The following SIGLEC11 variants were observed in gnomAD, a reference collection of about 807,000 sequenced individuals.
SIGLEC11 encodes sialic acid-binding Ig-like lectin 11.
SIGLEC11 carries 47 observed loss-of-function variants against 61.2 expected under a neutral mutation model. That is an observed-to-expected ratio of 0.77 (90% CI 0.61 to 0.98). The LOEUF (loss-of-function observed/expected upper bound fraction) is 0.98. Among genes scored for constraint, SIGLEC11 ranks in the 50% least tolerant of loss-of-function variants. SIGLEC11 has a pLI of 0.00. For missense variants in SIGLEC11, 610 were observed against 870.3 expected (o/e 0.70, Z 3.76); for synonymous variants, 278 against 373.1 (o/e 0.75, Z 2.94).
At chr19:49,950,564 C>T (rs1333424011) in intron 10 of SIGLEC11, among the ~76,000 whole-genome samples, 1 of 152,024 alleles carries the variant, frequency 6.6e-6, no homozygotes. Flanking sequence ...GAGTAAATAC[C>T]CCAAACCCGC....
chr19:49,959,041 G>C lies in SIGLEC11; in HGVS notation c.1094C>G (p.Ala365Gly), dbSNP rs62113133. The change falls in exon 6 of 11, where the codon GCA becomes GGA. Residue 365 changes from alanine to glycine, a missense_variant. Coordinates refer to ENST00000447370, the MANE Select transcript of SIGLEC11 (RefSeq NM_052884.3). ...PENLRVMVSQ[A>G]NRTVLENLGN... Reference sequence around the variant, plus strand: ...GTCTCCTTTCCTACCTGTCCTGTTTGCTTGGGAAACCATCACTCTCAGGTT... The same window carrying C: ...GTCTCCTTTCCTACCTGTCCTGTTTCCTTGGGAAACCATCACTCTCAGGTT... 0.23 allele frequency: 376,028 copies of C among 1,608,026 alleles called. 44,883 individuals are homozygous for C. The highest frequency in any genetic ancestry group is 0.28 in the Middle Eastern group (1,673 of 6,020).
chr19:49,952,291 T>A lies in SIGLEC11; in HGVS notation c.1748+7A>T, dbSNP rs200514367. 1.3e-4 allele frequency: 205 copies of A among 1,612,590 alleles called. 1 individual carries two copies. Among genetic ancestry groups the A allele is most frequent in the Middle Eastern group, 1.2e-3 (7 of 6,060 alleles). On this transcript the variant is annotated splice_region_variant and intron_variant, in intron 9 of 10. Coordinates refer to ENST00000447370, the MANE Select transcript of SIGLEC11 (RefSeq NM_052884.3). ...ACACCCTGCATTGCCTGCCCTCCGATGCTTACCTGAAGACGACAAGGCAGG... is the reference window on the plus strand; with the variant it reads ...ACACCCTGCATTGCCTGCCCTCCGAAGCTTACCTGAAGACGACAAGGCAGG...
At chr19:49,959,119 C>T in intron 5 of SIGLEC11, 42 bp from the exon 6 acceptor site, 1 of 1,611,118 alleles carries the variant, frequency 6.2e-7, no homozygotes, top group South Asian at 1.1e-5. Flanking sequence ...AGACCAGGGG[C>T]TTCCCTCTGG....
At chr19:49,958,190 C>G in intron 8 of SIGLEC11, 93 bp downstream of exon 8, 1 of 1,558,636 alleles carries the variant, frequency 6.4e-7, no homozygotes, top group South Asian at 1.2e-5. Context: ...CTTCCCACCA[C>G]GCCCACACCC....
At position 49,955,357 on chromosome 19, in the gene SIGLEC11, G is replaced by A. The variant is rs1406058559; in HGVS notation, c.1651+2926C>T. ...GAAAGGCATAATTCTTACAACTTGC[G>A]GCAGGCATCTACCAAGCCTCTGGGC... On this transcript the variant is annotated intron_variant, in intron 8 of 10. Coordinates refer to ENST00000447370, the MANE Select transcript of SIGLEC11 (RefSeq NM_052884.3). This position sits in a 1 kb window ranked among gnomAD's most constrained non-coding sequence, Gnocchi z 4.5. Among the ~76,000 whole-genome samples the A allele has an allele frequency of 1.3e-5, 2 of 151,700 alleles. No individual in the cohort carries two copies. The highest frequency in any genetic ancestry group is 2.4e-5 in the African/African-American group (1 of 41,324).
chr19:49,959,149 A>T, intron 5 of SIGLEC11, 72 bp from the exon 6 acceptor site: 1 of 1,594,884 alleles, frequency 6.3e-7, no homozygotes, highest in East Asian at 2.2e-5. Flanking sequence ...ACTATCCTGG[A>T]CACTGAGGTG....
chr19:49,958,017 A>G (rs1299440805), intron 8 of SIGLEC11, among the ~76,000 whole-genome samples: 1 of 151,896 alleles, frequency 6.6e-6, no homozygotes, highest in South Asian at 2.1e-4. Context: ...AACAAAAAAA[A>G]CCCCTTCTTT....
In SIGLEC11 at chr19:49,961,096, G is replaced by A. The variant is rs548353938; in HGVS notation, c.-15C>T. 2.9e-5 allele frequency: 41 copies of A among 1,430,996 alleles called. No homozygotes were observed. Among genetic ancestry groups the A allele is most frequent in the Middle Eastern group, 2.4e-4 (1 of 4,092 alleles). 88.6% of individuals were successfully genotyped at this position (1,430,996 alleles called of 1,614,324 possible). On this transcript the variant is annotated 5_prime_UTR_variant, in exon 1 of 11. Coordinates refer to ENST00000447370, the MANE Select transcript of SIGLEC11 (RefSeq NM_052884.3). ...CCCGGGACCATCTGGCTTCTGGGCCGGCCTGGCTGGGAAGGAAACTCCTCC... is the reference window on the plus strand; with the variant it reads ...CCCGGGACCATCTGGCTTCTGGGCCAGCCTGGCTGGGAAGGAAACTCCTCC...
chr19:49,955,979 G>A lies in SIGLEC11; in HGVS notation c.1651+2304C>T. ...ACTTGTACTTATGGCCGGGCGCAGT[G>A]GCTCACACCTGTAATCCTGTTACCA... On this transcript the variant is annotated intron_variant, in intron 8 of 10. Coordinates refer to ENST00000447370, the MANE Select transcript of SIGLEC11 (RefSeq NM_052884.3). The surrounding 1 kb of genome is among the most constrained non-coding windows in gnomAD (Gnocchi z 4.5). 6.6e-6 allele frequency among the ~76,000 whole-genome samples: 1 copy of A among 151,804 alleles called. No homozygotes were observed. Among genetic ancestry groups the A allele is most frequent in the Non-Finnish European group, 1.5e-5 (1 of 67,996 alleles).
intron 5 of SIGLEC11, 24 bp from the exon 6 acceptor site, chr19:49,959,101 C>A (rs369087315): frequency 6.2e-7 from 1 of 1,613,686 alleles, no homozygotes; most frequent in Non-Finnish European, 8.5e-7. Context: ...AGGGGACCGG[C>A]TCTAGACAGA....
At position 49,951,907 on chromosome 19, in the gene SIGLEC11, A is replaced by G; in HGVS notation, c.1814T>C (p.Leu605Pro). The change falls in exon 10 of 11, where the codon CTG becomes CCG. Residue 605 changes from leucine (L) to proline (P), a missense_variant. Leu to Pro is a moderately conservative substitution (Grantham distance 98). This residue lies in a region of SIGLEC11 where 432 missense variants were observed against 441.5 expected (regional missense o/e 0.98). Coordinates refer to ENST00000447370, the MANE Select transcript of SIGLEC11 (RefSeq NM_052884.3). This position sits in a 1 kb window ranked among gnomAD's most constrained non-coding sequence, Gnocchi z 4.6. ...AAAEQDVPST[L>P]GPISQGHQHE... Reference sequence around the variant, plus strand: ...GGCTCTCACCTGGGAGATGGGTCCCAGGGTGGAGGGCACGTCCTGCTCAGC... The same window carrying G: ...GGCTCTCACCTGGGAGATGGGTCCCGGGGTGGAGGGCACGTCCTGCTCAGC... The G allele has an allele frequency of 6.2e-7, 1 of 1,607,062 alleles. No homozygotes were observed. Among genetic ancestry groups the G allele is most frequent in the Admixed American group, 1.7e-5 (1 of 59,246 alleles).
Position 49,956,374 on chromosome 19 carries a change from CCT to C in SIGLEC11, c.1651+1907_1651+1908del, listed in dbSNP as rs139233448. 2.4e-3 allele frequency among the ~76,000 whole-genome samples: 362 copies of C among 152,230 alleles called. 1 individual carries two copies. The highest frequency in any genetic ancestry group is 8.4e-3 in the African/African-American group (351 of 41,540). On this transcript the variant is annotated intron_variant, in intron 8 of 10. Coordinates refer to ENST00000447370, the MANE Select transcript of SIGLEC11 (RefSeq NM_052884.3). Reference sequence around the variant, plus strand: ...CAAATGACCTCATCCAAATCCGTTCCCTGTTTCTCTTCTTTAAATCACACCTA... The same window carrying C: ...CAAATGACCTCATCCAAATCCGTTCCGTTTCTCTTCTTTAAATCACACCTA...
At chr19:49,957,201 G>A (rs2076202582) in intron 8 of SIGLEC11, among the ~76,000 whole-genome samples, 1 of 152,048 alleles carries the variant, frequency 6.6e-6, no homozygotes, top group Non-Finnish European at 1.5e-5. Context: ...TCAGCTAACG[G>A]CTCTGCATAA....
At position 49,955,284 on chromosome 19, in the gene SIGLEC11, C is replaced by T. The variant is rs1426099029; in HGVS notation, c.1652-2890G>A. ...AGCCTGGCTCTATCTGGAAAAAGAGCGGGGCGGGGACTGGCCCCAGAAAAA... is the reference window on the plus strand; with the variant it reads ...AGCCTGGCTCTATCTGGAAAAAGAGTGGGGCGGGGACTGGCCCCAGAAAAA... On this transcript the variant is annotated intron_variant, in intron 8 of 10. Transcript: ENST00000447370. The surrounding 1 kb of genome is among the most constrained non-coding windows in gnomAD (Gnocchi z 4.5). 7.9e-6 allele frequency among the ~76,000 whole-genome samples: 1 copy of T among 126,266 alleles called. No individual in the cohort carries two copies. Among genetic ancestry groups the T allele is most frequent in the East Asian group, 2.4e-4 (1 of 4,158 alleles). The allele number at this position is 126,266 out of a possible 152,430, so 82.8% of individuals were successfully genotyped here. A position where few individuals can be genotyped will look rare whatever the true frequency, so the allele number is the denominator to read the frequency against.
rs1346170460 is a variant in SIGLEC11, at chr19:49,960,465, C to T, written c.461-44G>A. 23 of 1,592,530 alleles carry T rather than the reference C, an allele frequency of 1.4e-5. No homozygotes were observed. In the Admixed American group the frequency reaches 3.4e-4, roughly 23 times the overall value. ...GGGAGATTCTTGTGCTGCAGGGGTCCCTGAGAGCCCTCTCTGCTCAGCCCA... is the reference window on the plus strand; with the variant it reads ...GGGAGATTCTTGTGCTGCAGGGGTCTCTGAGAGCCCTCTCTGCTCAGCCCA... On this transcript the variant is annotated intron_variant, in intron 2 of 10. Coordinates refer to ENST00000447370, the MANE Select transcript of SIGLEC11 (RefSeq NM_052884.3).
chr19:49,955,134 C>G lies in SIGLEC11; in HGVS notation c.1652-2740G>C, dbSNP rs902640264. 6.6e-6 allele frequency among the ~76,000 whole-genome samples: 1 copy of G among 151,296 alleles called. No homozygotes were observed. The highest frequency in any genetic ancestry group is 1.5e-5 in the Non-Finnish European group (1 of 67,844). On this transcript the variant is annotated intron_variant, in intron 8 of 10. Transcript: ENST00000447370. This position sits in a 1 kb window ranked among gnomAD's most constrained non-coding sequence, Gnocchi z 4.5. ...CGGCAGCTGCAGGCATGAATGCCAC[C>G]CAGCTTATAAAAGTGACCACCAAGA... is the stretch of plus-strand genomic sequence containing the variant.
In SIGLEC11 at chr19:49,949,883, T is replaced by C; in HGVS notation, c.*87A>G. ...TCAAACTCAAGCTCTTCATTGGGGATGGGGCTGAAATCTGAGTCCAGTTCT... is the reference window on the plus strand; with the variant it reads ...TCAAACTCAAGCTCTTCATTGGGGACGGGGCTGAAATCTGAGTCCAGTTCT... On this transcript the variant is annotated 3_prime_UTR_variant, in exon 11 of 11. Coordinates refer to ENST00000447370, the MANE Select transcript of SIGLEC11 (RefSeq NM_052884.3). 3 of 1,276,894 alleles carry C rather than the reference T, an allele frequency of 2.3e-6. No individual in the cohort carries two copies. The highest frequency in any genetic ancestry group is 3.0e-6 in the Non-Finnish European group (3 of 992,062). The allele number at this position is 1,276,894 out of a possible 1,614,324, so 79.1% of individuals were successfully genotyped here.
intron 8 of SIGLEC11, 92 bp downstream of exon 8, chr19:49,958,191 G>A (rs1365092241): frequency 1.6e-5 from 25 of 1,557,364 alleles, no homozygotes; most frequent in African/African-American, 8.3e-5. Context: ...TTCCCACCAC[G>A]CCCACACCCT....
At position 49,951,453 on chromosome 19, in the gene SIGLEC11, A is replaced by G. The variant is rs1219518714; in HGVS notation, c.1830+438T>C. ...CCTGCGAGTCCTAGGGGGTTATCCAACCTCAGAGTGGTCGTGGGGACCCCA... is the reference window on the plus strand; with the variant it reads ...CCTGCGAGTCCTAGGGGGTTATCCAGCCTCAGAGTGGTCGTGGGGACCCCA... On this transcript the variant is annotated intron_variant, in intron 10 of 10. Coordinates refer to ENST00000447370, the MANE Select transcript of SIGLEC11 (RefSeq NM_052884.3). The surrounding 1 kb of genome is among the most constrained non-coding windows in gnomAD (Gnocchi z 4.6). 6.6e-6 allele frequency among the ~76,000 whole-genome samples: 1 copy of G among 152,086 alleles called. No homozygotes were observed. The highest frequency in any genetic ancestry group is 1.5e-5 in the Non-Finnish European group (1 of 67,996).
Sources: gnomAD v4.1 joint callset for allele counts (sites outside exome capture counted in the v4.1 genomes callset) on GRCh38, gnomAD v4.1.1 for gene constraint, gnomAD v4.1.1 regional missense constraint, Gnocchi (gnomAD v3.1) non-coding constraint, MANE v1.5 for transcripts, NCBI Gene and HGNC (gene_info 2026-07-23, HGNC 2026-07-21) for gene names.